The following CUX1 variants were observed in gnomAD, a reference collection of about 807,000 sequenced individuals.
CUX1 encodes the protein protein CASP.
In CUX1, 31 loss-of-function variants were observed where a neutral mutation model predicts 158.8. That is an observed-to-expected ratio of 0.20 (90% confidence interval 0.15 to 0.26). The LOEUF (loss-of-function observed/expected upper bound fraction) is 0.26, where lower values mean the gene tolerates loss of function less well. Among genes scored for constraint, CUX1 ranks in the 10% least tolerant of loss-of-function variants. The pLI, the probability that CUX1 is intolerant of heterozygous loss-of-function variation, is 1.00. For synonymous variants in CUX1, 879 were observed against 862.1 expected (o/e 1.02, Z -0.34); for missense variants, 1,589 against 2,014.6 (o/e 0.79, Z 4.04).
intron 2 of CUX1, among the ~76,000 whole-genome samples, chr7:101,953,826 A>G (rs1460907516): frequency 6.6e-6 from 1 of 152,208 alleles, no homozygotes; most frequent in East Asian, 1.9e-4. Flanking sequence ...TCCACAAAAA[A>G]AAAAAAAGCA....
chr7:102,006,586 G>A (rs1282974197), intron 2 of CUX1, among the ~76,000 whole-genome samples: 4 of 151,966 alleles, frequency 2.6e-5, no homozygotes. Flanking sequence ...TAGTAGAGAT[G>A]GAGTTTCACT....
At chr7:102,166,691 C>G (rs782275160) in intron 9 of CUX1, among the ~76,000 whole-genome samples, 41 of 152,198 alleles carry the variant, frequency 2.7e-4, no homozygotes, top group Non-Finnish European at 4.3e-4. Context: ...TTTCCCTGTT[C>G]CTTCCTTTCA....
chr7:101,896,844 AG>A (rs1475301887), intron 1 of CUX1, among the ~76,000 whole-genome samples: 1 of 152,230 alleles, frequency 6.6e-6, no homozygotes, highest in Non-Finnish European at 1.5e-5. Flanking sequence ...GAGTATTCAT[AG>A]GGAAAGTGCA....
At chr7:102,108,889 G>A (rs1830631499) in intron 6 of CUX1, among the ~76,000 whole-genome samples, 1 of 151,924 alleles carries the variant, frequency 6.6e-6, no homozygotes, top group Non-Finnish European at 1.5e-5. Flanking sequence ...CAAATAGCTG[G>A]GGTTACAGGT....
chr7:102,188,228 C>T (rs746324494), intron 11 of CUX1, among the ~76,000 whole-genome samples: 2 of 151,446 alleles, frequency 1.3e-5, no homozygotes, highest in Non-Finnish European at 2.9e-5. Flanking sequence ...AGAAGAAGAA[C>T]AAGAAGCATA....
intron 2 of CUX1, among the ~76,000 whole-genome samples, chr7:102,025,635 A>G (rs562158182): frequency 7.2e-5 from 7 of 97,190 alleles, no homozygotes; most frequent in Admixed American, 9.9e-5. Context: ...CTTAGGTGGG[A>G]AAAAAAAAAG....
intron 9 of CUX1, among the ~76,000 whole-genome samples, chr7:102,160,551 C>T (rs573648773): frequency 2.0e-5 from 3 of 152,240 alleles, no homozygotes; most frequent in East Asian, 1.9e-4. Flanking sequence ...CGCAATGACA[C>T]GGGTTCAGTT....
downstream of CUX1, among the ~76,000 whole-genome samples, chr7:102,259,768 AGAAAGGAAGG>A (rs1790252256): frequency 6.7e-6 from 1 of 148,922 alleles, no homozygotes; most frequent in Admixed American, 6.7e-5. Context: ...GAAAGAAAAG[AGAAAGGAAGG>A]AAGGAAAGGA....
intron 10 of CUX1, among the ~76,000 whole-genome samples, chr7:102,173,621 G>T (rs1397229627): frequency 6.6e-6 from 1 of 152,164 alleles, no homozygotes; most frequent in Non-Finnish European, 1.5e-5. Context: ...TGCAAAGGAA[G>T]TCGTCCATTC....
chr7:102,038,616 CTG>C (rs762376253), intron 3 of CUX1, among the ~76,000 whole-genome samples: 2 of 152,172 alleles, frequency 1.3e-5, no homozygotes, highest in East Asian at 3.9e-4. Context: ...AAAGACTCAC[CTG>C]TACCTTGACG....
intron 2 of CUX1, among the ~76,000 whole-genome samples, chr7:102,019,786 A>T (rs1819132071): frequency 6.6e-6 from 1 of 152,212 alleles, no homozygotes; most frequent in Admixed American, 6.5e-5. Flanking sequence ...GCACAAAGAC[A>T]TTTAAATGGG....
chr7:101,851,488 C>T (rs79271953), intron 1 of CUX1, among the ~76,000 whole-genome samples: 4,556 of 152,164 alleles, frequency 0.03, 222 homozygotes, highest in African/African-American at 0.1. Context: ...GGATGTTCTC[C>T]GATTGCTTCC....
At chr7:101,859,821 C>G (rs1330108545) in intron 1 of CUX1, among the ~76,000 whole-genome samples, 1 of 151,708 alleles carries the variant, frequency 6.6e-6, no homozygotes, top group Non-Finnish European at 1.5e-5. Context: ...TCTCTCAGTC[C>G]TTTCTTTTTC....
At chr7:101,981,902 A>C (rs561103064) in intron 2 of CUX1, among the ~76,000 whole-genome samples, 7 of 152,108 alleles carry the variant, frequency 4.6e-5, no homozygotes, top group Non-Finnish European at 8.8e-5. Context: ...GAGCCACCGC[A>C]CCTGGCCAGG....
chr7:101,972,867 C>T (rs1291388624), intron 2 of CUX1, among the ~76,000 whole-genome samples: 1 of 152,176 alleles, frequency 6.6e-6, no homozygotes, highest in African/African-American at 2.4e-5. Flanking sequence ...TTCAAAGTTG[C>T]ACCCTGATGC....
chr7:101,966,256 G>A (rs568415945), intron 2 of CUX1, among the ~76,000 whole-genome samples: 11 of 151,330 alleles, frequency 7.3e-5, no homozygotes, highest in Admixed American at 3.9e-4. Context: ...TGTAGAGGTG[G>A]TGTTTCAGCA....
At chr7:102,173,470 T>TA (rs1354084885) in intron 10 of CUX1, among the ~76,000 whole-genome samples, 1 of 152,248 alleles carries the variant, frequency 6.6e-6, no homozygotes, top group East Asian at 1.9e-4. Context: ...AACTTAATTT[T>TA]AACTGAATGT....
chr7:102,174,040 C>T (rs1327588816), intron 10 of CUX1, among the ~76,000 whole-genome samples: 3 of 152,084 alleles, frequency 2.0e-5, no homozygotes, highest in Non-Finnish European at 2.9e-5. Context: ...GTGGAATCTC[C>T]GATTCTAGAA....
chr7:101,980,777 C>A lies in CUX1; in HGVS notation c.142-47321C>A, dbSNP rs111318166. On this transcript the variant is annotated intron_variant, in intron 2 of 23. Coordinates refer to ENST00000292535, the MANE Select transcript of CUX1 (RefSeq NM_181552.4). ...CCAAGAACAGGGCTCCTGAAGGCCCCGAGAACCAGCCCGCCGTCCGCACGG... is the reference window on the plus strand; with the variant it reads ...CCAAGAACAGGGCTCCTGAAGGCCCAGAGAACCAGCCCGCCGTCCGCACGG... 6.6e-5 allele frequency among the ~76,000 whole-genome samples: 10 copies of A among 152,220 alleles called. 1 individual carries two copies. The highest frequency in any genetic ancestry group is 2.4e-4 in the African/African-American group (10 of 41,520).
Sources: gnomAD v4.1 joint callset for allele counts (sites outside exome capture counted in the v4.1 genomes callset) on GRCh38, gnomAD v4.1.1 for gene constraint, MANE v1.5 for transcripts, NCBI Gene and HGNC (gene_info 2026-07-23, HGNC 2026-07-21) for gene names.